Variants in KHDRBS2 observed in about 807,000 individuals in gnomAD.
KHDRBS2 encodes KH RNA binding domain containing, signal transduction associated 2.
Under a neutral mutation model 44.3 loss-of-function variants are expected in KHDRBS2, and 26 were observed. That is an observed-to-expected ratio of 0.59 (90% CI 0.43 to 0.81). The LOEUF is 0.81. Ranked by LOEUF, KHDRBS2 falls within the 40% of genes least tolerant of loss-of-function variation. The probability of loss-of-function intolerance (pLI) is 0.00; values close to 1 mark genes in which losing one functional copy is unlikely to be tolerated. For synonymous variants in KHDRBS2, 194 were observed against 151.1 expected (o/e 1.28, Z -2.08); for missense variants, 476 against 433.1 (o/e 1.10, Z -0.88).
At chr6:61,601,644 C>T in the KHDRBS2 span, among the ~76,000 whole-genome samples, 25 of 152,006 alleles carry the variant, frequency 1.6e-4, no homozygotes, top group Non-Finnish European at 3.4e-4. Context: ...TCCTTCTTTC[C>T]CTCCCACCTG....
At position 61,961,218 on chromosome 6, in the gene KHDRBS2, G is replaced by T. The variant is rs187520333; in HGVS notation, c.483+16848C>A. Among the ~76,000 whole-genome samples, 438 of 152,098 alleles carry T rather than the reference G, an allele frequency of 2.9e-3. 4 individuals carry two copies. Among genetic ancestry groups the T allele is most frequent in the African/African-American group, 9.8e-3 (407 of 41,480 alleles). ...ATTCACTGAGTGCTTACTATTGCCA[G>T]GGATTTTTCTTATCTCTAATGATAG... On this transcript the variant is annotated intron_variant, in intron 4 of 8. Coordinates refer to ENST00000281156, the MANE Select transcript of KHDRBS2 (RefSeq NM_152688.4).
At chr6:61,593,685 C>T in the KHDRBS2 span, among the ~76,000 whole-genome samples, 34 of 152,072 alleles carry the variant, frequency 2.2e-4, no homozygotes, top group Non-Finnish European at 4.6e-4. Flanking sequence ...TTCATAAGGA[C>T]TTTTGAATTA....
intron 4 of KHDRBS2, among the ~76,000 whole-genome samples, chr6:61,906,776 A>G (rs1365294734): frequency 1.3e-5 from 2 of 151,968 alleles, no homozygotes; most frequent in Admixed American, 6.6e-5. Context: ...TACCAACCAC[A>G]TTTTCTTTTT....
chr6:61,763,014 G>A (rs976940674), intron 6 of KHDRBS2, among the ~76,000 whole-genome samples: 1 of 152,038 alleles, frequency 6.6e-6, no homozygotes, highest in Non-Finnish European at 1.5e-5. Context: ...TCCCTGTTCT[G>A]CCTTTGGGAT....
intron 6 of KHDRBS2, among the ~76,000 whole-genome samples, chr6:61,821,327 C>T (rs1316313065): frequency 6.6e-6 from 1 of 151,970 alleles, no homozygotes. Context: ...TGCAACATTG[C>T]ATTTTAGTAA....
At chr6:62,115,255 G>A (rs553759149) in intron 2 of KHDRBS2, among the ~76,000 whole-genome samples, 1 of 152,176 alleles carries the variant, frequency 6.6e-6, no homozygotes, top group Admixed American at 6.6e-5. Flanking sequence ...ATTCACATGA[G>A]GCCATACATA....
intron 2 of KHDRBS2, among the ~76,000 whole-genome samples, chr6:62,072,635 G>A (rs2127346758): frequency 6.6e-6 from 1 of 152,150 alleles, no homozygotes; most frequent in South Asian, 2.1e-4. Flanking sequence ...TTATATGCTG[G>A]ATTACATTTA....
chr6:62,135,500 C>T (rs1811317143), intron 2 of KHDRBS2, among the ~76,000 whole-genome samples: 2 of 152,136 alleles, frequency 1.3e-5, no homozygotes, highest in African/African-American at 4.8e-5. Context: ...AATAGAGCTA[C>T]TGTATGACCC....
intron 3 of KHDRBS2, among the ~76,000 whole-genome samples, chr6:62,021,619 G>A (rs559582095): frequency 6.6e-6 from 1 of 151,566 alleles, no homozygotes; most frequent in East Asian, 1.9e-4. Context: ...GAAACCCAGG[G>A]ACCAAGGTTT....
chr6:61,974,096 T>C (rs1455944967), intron 4 of KHDRBS2, among the ~76,000 whole-genome samples: 1 of 152,198 alleles, frequency 6.6e-6, no homozygotes, highest in Admixed American at 6.5e-5. Context: ...CAGTCATGAG[T>C]TAATAATTAA....
the KHDRBS2 span, among the ~76,000 whole-genome samples, chr6:61,654,749 C>T: frequency 1.3e-5 from 2 of 151,326 alleles, no homozygotes; most frequent in African/African-American, 4.8e-5. Context: ...TGGAGGGACA[C>T]AGGACAGGAC....
At chr6:61,983,236 C>CTTTCTTTCTTTCTTTCTTTCT (rs1309156581) in intron 3 of KHDRBS2, among the ~76,000 whole-genome samples, 101 of 118,520 alleles carry the variant, frequency 8.5e-4, no homozygotes, top group Non-Finnish European at 1.3e-3. Context: ...TTCTTTCTTT[C>CTTTCTTTCTTTCTTTCTTTCT]TTTTTTTTTT....
intron 2 of KHDRBS2, among the ~76,000 whole-genome samples, chr6:62,073,705 GC>G (rs936476290): frequency 8.6e-5 from 13 of 151,392 alleles, no homozygotes; most frequent in African/African-American, 2.7e-4. Flanking sequence ...TCCCAGAAGG[GC>G]ATTTCTTGGC....
rs1554284675 is a variant in KHDRBS2 at position 61,945,150 on chromosome 6, T to TACACAC, written c.483+32910_483+32915dup. Among the ~76,000 whole-genome samples the TACACAC allele has an allele frequency of 4.9e-3, 426 of 86,938 alleles. 15 individuals carry two copies. The highest frequency in any genetic ancestry group is 0.014 in the South Asian group (35 of 2,454). The allele number at this position is 86,938 out of a possible 152,430, so 57.0% of individuals were successfully genotyped here. On this transcript the variant is annotated intron_variant, in intron 4 of 8. Coordinates refer to ENST00000281156, the MANE Select transcript of KHDRBS2 (RefSeq NM_152688.4). Reference sequence around the variant, plus strand: ...ATATATATATATATATATATATATATACACACAGACTTGTCTTGATAAAGT... The same window carrying TACACAC: ...ATATATATATATATATATATATATATACACACACACACAGACTTGTCTTGATAAAGT...
intron 6 of KHDRBS2, among the ~76,000 whole-genome samples, chr6:61,853,180 T>C (rs1170601821): frequency 6.6e-6 from 1 of 152,200 alleles, no homozygotes; most frequent in Non-Finnish European, 1.5e-5. Context: ...TCAGCTTTCC[T>C]GTTCTCTGCT....
At position 61,800,802 on chromosome 6, in the gene KHDRBS2, T is replaced by C. The variant is rs183188432; in HGVS notation, c.811-68038A>G. Among the ~76,000 whole-genome samples the C allele has an allele frequency of 2.4e-3, 370 of 152,262 alleles. 8 individuals are homozygous for C. Among genetic ancestry groups the C allele is most frequent in the East Asian group, 0.018 (91 of 5,170 alleles). Reference sequence around the variant, plus strand: ...GGAATCTATTTGTTAGTTTCCTCTCTTTTTAGGATTGGGACAACATCTTGT... The same window carrying C: ...GGAATCTATTTGTTAGTTTCCTCTCCTTTTAGGATTGGGACAACATCTTGT... On this transcript the variant is annotated intron_variant, in intron 6 of 8. Transcript: ENST00000281156.
At chr6:62,080,368 C>T (rs1465648369) in intron 2 of KHDRBS2, among the ~76,000 whole-genome samples, 1 of 151,970 alleles carries the variant, frequency 6.6e-6, no homozygotes, top group Non-Finnish European at 1.5e-5. Flanking sequence ...CCCAAGTTTT[C>T]AAGGATAATA....
intron 6 of KHDRBS2, among the ~76,000 whole-genome samples, chr6:61,785,206 A>G (rs1783612764): frequency 6.6e-6 from 1 of 151,978 alleles, no homozygotes; most frequent in Non-Finnish European, 1.5e-5. Context: ...CAAAGAAAAC[A>G]AAAAAGAGGG....
chr6:62,163,047 C>T (rs1017744583), intron 2 of KHDRBS2, among the ~76,000 whole-genome samples: 10 of 152,034 alleles, frequency 6.6e-5, no homozygotes, highest in African/African-American at 2.4e-4. Context: ...TATGTAAGGG[C>T]ATGGCACAAG....
Sources: allele counts gnomAD v4.1 joint callset (sites outside exome capture counted in the v4.1 genomes callset), GRCh38; gene constraint gnomAD v4.1.1; transcripts MANE v1.5; gene names NCBI Gene and HGNC (gene_info 2026-07-23, HGNC 2026-07-21).